The following RAB38 variants were observed in gnomAD, a reference collection of about 807,000 sequenced individuals.
The protein encoded by RAB38 is ras-related protein Rab-38.
In RAB38, 15 loss-of-function variants were observed where a neutral mutation model predicts 18.4. That is an observed-to-expected ratio of 0.82 (90% confidence interval 0.55 to 1.26). RAB38 has a LOEUF of 1.26. Ranked by LOEUF, RAB38 falls within the 50% of genes most tolerant of loss-of-function variation. The pLI is 0.00. For missense variants in RAB38, 294 were observed against 267.4 expected, an observed-to-expected ratio of 1.10 and a Z score of -0.69; for synonymous variants, 101 against 104.4, an observed-to-expected ratio of 0.97 and a Z score of 0.20.
chr11:88,156,161 C>CA (rs777023490), intron 1 of RAB38, among the ~76,000 whole-genome samples: 39 of 151,840 alleles, frequency 2.6e-4, no homozygotes, highest in Admixed American at 2.0e-4. Context: ...CATTTAGATA[C>CA]AAAAAAAATC....
At chr11:88,046,012 C>T in the RAB38 span, among the ~76,000 whole-genome samples, 1,052 of 152,256 alleles carry the variant, frequency 6.9e-3, 10 homozygotes, top group South Asian at 0.03. Context: ...CACCTCACTG[C>T]CACCTTTTCC....
the RAB38 span, among the ~76,000 whole-genome samples, chr11:88,100,743 G>C: frequency 6.6e-6 from 1 of 151,926 alleles, no homozygotes; most frequent in Non-Finnish European, 1.5e-5. Flanking sequence ...TAGAATAAAT[G>C]TATTTTTAAA....
chr11:88,087,387 C>G, the RAB38 span, among the ~76,000 whole-genome samples: 1 of 152,002 alleles, frequency 6.6e-6, no homozygotes, highest in Admixed American at 6.6e-5. Context: ...GTTTGACTCA[C>G]TGTTCTGCAG....
At chr11:87,956,666 A>C in the RAB38 span, among the ~76,000 whole-genome samples, 1 of 152,180 alleles carries the variant, frequency 6.6e-6, no homozygotes, top group Non-Finnish European at 1.5e-5. Context: ...CAATTGAAAA[A>C]GCTACAGGAG....
chr11:87,952,827 A>G, the RAB38 span, among the ~76,000 whole-genome samples: 2 of 152,186 alleles, frequency 1.3e-5, no homozygotes, highest in Non-Finnish European at 2.9e-5. Flanking sequence ...ATGCTTATTG[A>G]TAAGTATTTA....
At chr11:87,854,995 C>T in the RAB38 span, among the ~76,000 whole-genome samples, 1 of 152,066 alleles carries the variant, frequency 6.6e-6, no homozygotes, top group African/African-American at 2.4e-5. Flanking sequence ...TCGGGTTTCA[C>T]TGTGTTAGCC....
At chr11:87,908,620 GC>G in the RAB38 span, among the ~76,000 whole-genome samples, 1 of 151,972 alleles carries the variant, frequency 6.6e-6, no homozygotes. Context: ...CTAGCACTGT[GC>G]CTGTCACACA....
intron 2 of RAB38, among the ~76,000 whole-genome samples, chr11:88,134,275 C>G (rs1355459947): frequency 6.6e-6 from 1 of 152,154 alleles, no homozygotes; most frequent in Non-Finnish European, 1.5e-5. Flanking sequence ...GAGTCTTGCT[C>G]TGTCACCTAG....
At chr11:88,074,046 T>C in the RAB38 span, among the ~76,000 whole-genome samples, 1 of 143,076 alleles carries the variant, frequency 7.0e-6, no homozygotes, top group East Asian at 2.0e-4. Flanking sequence ...GAAAATTCCC[T>C]AAAAAAAAAA....
the RAB38 span, among the ~76,000 whole-genome samples, chr11:87,820,187 T>C: frequency 1.3e-5 from 2 of 152,152 alleles, no homozygotes; most frequent in African/African-American, 4.8e-5. Flanking sequence ...TGCCAAACCA[T>C]GTAAGCTTGC....
intron 2 of RAB38, among the ~76,000 whole-genome samples, chr11:88,136,318 AG>A (rs1367678745): frequency 6.6e-6 from 1 of 152,294 alleles, no homozygotes; most frequent in African/African-American, 2.4e-5. Context: ...ATGAAACAGA[AG>A]GCCTTGGGAG....
At chr11:88,105,840 T>C in the RAB38 span, among the ~76,000 whole-genome samples, 4 of 152,196 alleles carry the variant, frequency 2.6e-5, no homozygotes, top group African/African-American at 9.6e-5. Flanking sequence ...CAGAATCACA[T>C]GATACATGTA....
At chr11:87,877,130 A>C in the RAB38 span, among the ~76,000 whole-genome samples, 1 of 151,556 alleles carries the variant, frequency 6.6e-6, no homozygotes, top group African/African-American at 2.4e-5. Context: ...AATATCATGC[A>C]TGGAAGTACC....
At chr11:88,018,822 ATTGTTT>A in the RAB38 span, among the ~76,000 whole-genome samples, 1 of 152,254 alleles carries the variant, frequency 6.6e-6, no homozygotes, top group East Asian at 1.9e-4. Flanking sequence ...TTAAATTGTT[ATTGTTT>A]ATTTAAATAT....
the RAB38 span, among the ~76,000 whole-genome samples, chr11:87,819,239 T>C: frequency 6.6e-6 from 1 of 152,212 alleles, no homozygotes; most frequent in Non-Finnish European, 1.5e-5. Context: ...TATTGAACAG[T>C]TGCCTCAACC....
At chr11:87,842,674 C>T in the RAB38 span, among the ~76,000 whole-genome samples, 5 of 151,968 alleles carry the variant, frequency 3.3e-5, no homozygotes, top group Non-Finnish European at 5.9e-5. Flanking sequence ...TTGATGTTTG[C>T]GTATTATCTC....
the RAB38 span, among the ~76,000 whole-genome samples, chr11:87,874,480 C>G: frequency 3.3e-5 from 5 of 151,088 alleles, 1 homozygote; most frequent in Admixed American, 1.3e-4. Context: ...AGGGGAACAT[C>G]ACACACCGGG....
the RAB38 span, among the ~76,000 whole-genome samples, chr11:88,047,835 A>T: frequency 6.6e-6 from 1 of 152,152 alleles, no homozygotes; most frequent in East Asian, 1.9e-4. Flanking sequence ...CCACTCCCAC[A>T]TACTCCCCCA....
the RAB38 span, among the ~76,000 whole-genome samples, chr11:87,832,818 T>A: frequency 6.6e-6 from 1 of 151,834 alleles, no homozygotes; most frequent in Non-Finnish European, 1.5e-5. Flanking sequence ...GTCCCTAACC[T>A]TAATTCCAAC....
Sources: gnomAD v4.1 joint callset for allele counts (sites outside exome capture counted in the v4.1 genomes callset) on GRCh38, gnomAD v4.1.1 for gene constraint, MANE v1.5 for transcripts, NCBI Gene and HGNC (gene_info 2026-07-23, HGNC 2026-07-21) for gene names.